PKN3: variants seen among roughly 807,000 people sequenced by gnomAD.
PKN3 encodes the protein protein kinase N3, also known as serine/threonine-protein kinase N3.
In PKN3, 91 loss-of-function variants were observed where a neutral mutation model predicts 113.1. The observed-to-expected ratio is 0.80, with a 90% CI of 0.68 to 0.96. PKN3 has a LOEUF of 0.96. Ranked by LOEUF, PKN3 falls within the 40% of genes least tolerant of loss-of-function variation. The pLI, the probability that PKN3 is intolerant of heterozygous loss-of-function variation, is 0.00. For synonymous variants in PKN3, 467 were observed against 499.0 expected, an observed-to-expected ratio of 0.94 and a Z score of 0.85; for missense variants, 1,052 against 1,202.2, an observed-to-expected ratio of 0.88 and a Z score of 1.85.
At chr9:128,703,844 C>G (rs150713254) in intron 1 of PKN3, 9 of 985,370 alleles carry the variant, frequency 9.1e-6, no homozygotes, top group African/African-American at 5.2e-5. Context: ...CTGTTCCAGA[C>G]GTAGCTTGTA....
At chr9:128,710,786 C>T (rs1422989237) in intron 6 of PKN3, among the ~76,000 whole-genome samples, 1 of 152,066 alleles carries the variant, frequency 6.6e-6, no homozygotes, top group Non-Finnish European at 1.5e-5. Context: ...GCCAACCATG[C>T]CCGGCCCAAG....
chr9:128,709,977 G>A (rs1051305823), intron 6 of PKN3: 2 of 149,116 alleles, frequency 1.3e-5, no homozygotes, highest in Admixed American at 6.7e-5. Flanking sequence ...CCAGGCTGGA[G>A]TGCAGTGGCG....
At chr9:128,703,345 G>T (rs1564368279) in intron 1 of PKN3, 1 of 984,314 alleles carries the variant, frequency 1.0e-6, no homozygotes. Context: ...GAATGTGCGC[G>T]CAGCGGGGGG....
At chr9:128,714,420 C>T (rs1297200338) in intron 11 of PKN3, 55 bp downstream of exon 11, 167 of 1,441,028 alleles carry the variant, frequency 1.2e-4, no homozygotes, top group Non-Finnish European at 1.6e-4. Context: ...CTTCCTGACT[C>T]CAGATCCAGG....
Position 128,702,601 on chromosome 9 carries a change from G to A in PKN3, c.-315G>A, listed in dbSNP as rs1171710124. 2 of 352,382 alleles carry A rather than the reference G, an allele frequency of 5.7e-6. No homozygotes were observed. The highest frequency in any genetic ancestry group is 5.1e-6 in the Non-Finnish European group (1 of 196,976). The allele number at this position is 352,382 out of a possible 1,614,324, so 21.8% of individuals were successfully genotyped here. A position where few individuals can be genotyped will look rare whatever the true frequency, so the allele number is the denominator to read the frequency against. ...TGCCTCCTGAGCGTCCAAACCGGGGGTGAGGCGCGGTCACGCCCAGCGGGA... is the reference window on the plus strand; with the variant it reads ...TGCCTCCTGAGCGTCCAAACCGGGGATGAGGCGCGGTCACGCCCAGCGGGA... On this transcript the variant is annotated 5_prime_UTR_variant, in exon 1 of 22. It adds an upstream start codon to the 5' untranslated region. Coordinates refer to ENST00000291906, the MANE Select transcript of PKN3 (RefSeq NM_013355.5).
chr9:128,703,367 C>A (rs913541218), intron 1 of PKN3: 2 of 985,206 alleles, frequency 2.0e-6, no homozygotes, highest in East Asian at 1.1e-4. Context: ...GCAGTCTGTG[C>A]GCGCTTGGCA....
chr9:128,715,048 C>T lies in PKN3; in HGVS notation c.1653-124C>T, dbSNP rs1248852627. 1 of 1,143,350 alleles carries T rather than the reference C, an allele frequency of 8.7e-7. No homozygotes were observed. Among genetic ancestry groups the T allele is most frequent in the Admixed American group, 1.8e-5 (1 of 54,800 alleles). The allele number at this position is 1,143,350 out of a possible 1,614,324, so 70.8% of individuals were successfully genotyped here. On this transcript the variant is annotated intron_variant, in intron 13 of 21. Transcript: ENST00000291906. This position sits in a 1 kb window ranked among gnomAD's most constrained non-coding sequence, Gnocchi z 4.1. Reference sequence around the variant, plus strand: ...TGCCGGCTTCTAGGAGTCCTTACTGCAGGGCTTTTTCGAGCCCATAGGTCG... The same window carrying T: ...TGCCGGCTTCTAGGAGTCCTTACTGTAGGGCTTTTTCGAGCCCATAGGTCG...
rs1372842581 is a variant in PKN3, at chr9:128,715,506, G to A, written c.1808+46G>A. On this transcript the variant is annotated intron_variant, in intron 15 of 21. Coordinates refer to ENST00000291906, the MANE Select transcript of PKN3 (RefSeq NM_013355.5). The surrounding 1 kb of genome is among the most constrained non-coding windows in gnomAD (Gnocchi z 4.1). ...GCACCCAGGATGGCTGGCCTGGGCTGTGGCATCCAGAGGGCAGTTGAAGGT... is the reference window on the plus strand; with the variant it reads ...GCACCCAGGATGGCTGGCCTGGGCTATGGCATCCAGAGGGCAGTTGAAGGT... 1 of 1,460,830 alleles carries A rather than the reference G, an allele frequency of 6.8e-7. No homozygotes were observed. The highest frequency in any genetic ancestry group is 9.6e-7 in the Non-Finnish European group (1 of 1,043,118). The allele number at this position is 1,460,830 out of a possible 1,614,324, so 90.5% of individuals were successfully genotyped here.
At position 128,719,967 on chromosome 9, in the gene PKN3, GC is replaced by G. The variant is rs1862478962; in HGVS notation, c.2331del (p.Tyr778ThrfsTer82). On this transcript the variant is annotated frameshift_variant, in exon 20 of 22. Coordinates refer to ENST00000291906, the MANE Select transcript of PKN3 (RefSeq NM_013355.5). LOFTEE classifies it high-confidence loss of function. ...EVFDCIVNMDAPYPGFLSVQG... is the reference protein window; with the variant it reads ...EVFDCIVNMDXPYPGFLSVQG... ...GTTTGACTGCATCGTCAACATGGAC[GC>G]CCCCTACCCCGGCTTTCTGTCGGTG... 1 of 1,614,036 alleles carries G rather than the reference GC, an allele frequency of 6.2e-7. No homozygotes were observed. The highest frequency in any genetic ancestry group is 1.3e-5 in the African/African-American group (1 of 75,044).
Position 128,714,683 on chromosome 9 carries a change from T to TA in PKN3, c.1584+20dup. The TA allele has an allele frequency of 7.6e-7, 1 of 1,310,732 alleles. No individual in the cohort carries two copies. The highest frequency in any genetic ancestry group is 1.1e-6 in the Non-Finnish European group (1 of 904,226). The allele number at this position is 1,310,732 out of a possible 1,614,324, so 81.2% of individuals were successfully genotyped here. ...GACTCCGGTGAGGGGCTGGAGGGAC[T>TA]AGTGGCTCCTAGGGCCGGCTGGGGC... On this transcript the variant is annotated intron_variant, in intron 12 of 21. Coordinates refer to ENST00000291906, the MANE Select transcript of PKN3 (RefSeq NM_013355.5).
Position 128,719,880 on chromosome 9 carries a change from G to A in PKN3, c.2269-30G>A, listed in dbSNP as rs142106799. The A allele has an allele frequency of 5.8e-3, 9,391 of 1,608,770 alleles. 43 individuals carry two copies. The highest frequency in any genetic ancestry group is 7.3e-3 in the Non-Finnish European group (8,631 of 1,175,234). On this transcript the variant is annotated intron_variant, in intron 19 of 21. Transcript: ENST00000291906. ...CCTCTGGGTGGGGGTGGGGTGGCCC[G>A]TGCATCCTGCTGAGCCCCCATCTCC...
At chr9:128,717,117 C>CTTTTCTTTTTTTTTTTTTTTTTTTTT (rs1862363366) in intron 16 of PKN3, among the ~76,000 whole-genome samples, 194 bp downstream of exon 16, 1 of 24,364 alleles carries the variant, frequency 4.1e-5, no homozygotes, top group Non-Finnish European at 8.1e-5. Context: ...CATTAGGTTT[C>CTTTTCTTTTTTTTTTTTTTTTTTTTT]TTTTTTTTTT....
intron 15 of PKN3, among the ~76,000 whole-genome samples, chr9:128,716,470 C>G (rs1027443681): frequency 6.6e-6 from 1 of 151,838 alleles, no homozygotes; most frequent in Admixed American, 6.6e-5. Context: ...TGGTGGCGCA[C>G]TCCTATAATC....
rs530122345 is a variant in PKN3 at position 128,714,443 on chromosome 9, G to T, written c.1481+78G>T. ...CTCCAGATCCAGGCGGTATCTGTCT[G>T]TCTGTCTGCATTGCTCAGCCCGCTA... On this transcript the variant is annotated intron_variant, in intron 11 of 21. Coordinates refer to ENST00000291906, the MANE Select transcript of PKN3 (RefSeq NM_013355.5). 1.2e-5 allele frequency: 16 copies of T among 1,327,654 alleles called. No individual in the cohort carries two copies. The Admixed American group carries it at 2.4e-4, about 20-fold the overall frequency. 82.2% of individuals were successfully genotyped at this position (1,327,654 alleles called of 1,614,324 possible).
chr9:128,706,692 G>T, intron 3 of PKN3, 21 bp from the exon 4 acceptor site: 1 of 1,508,996 alleles, frequency 6.6e-7, no homozygotes, highest in Middle Eastern at 1.9e-4. Context: ...GGTCTGATGG[G>T]CCTGTGCTAT....
In PKN3 at chr9:128,714,027, C is replaced by A; in HGVS notation, c.1237-19C>A. ...AGATGGGAGGCGACTGGTCCACAAC[C>A]CTGCCCCTACCCCTGCAGGTGACCT... On this transcript the variant is annotated intron_variant, in intron 9 of 21. Coordinates refer to ENST00000291906, the MANE Select transcript of PKN3 (RefSeq NM_013355.5). 1 of 1,613,718 alleles carries A rather than the reference C, an allele frequency of 6.2e-7. No homozygotes were observed. The highest frequency in any genetic ancestry group is 2.2e-5 in the East Asian group (1 of 44,878).
chr9:128,703,326 G>T (rs1029736814), intron 1 of PKN3: 15 of 973,678 alleles, frequency 1.5e-5, no homozygotes, highest in South Asian at 4.7e-5. Flanking sequence ...CAGGGGCCTG[G>T]GGGGGTTAGA....
rs1161707076 is a variant in PKN3, at chr9:128,715,534, C to T, written c.1808+74C>T. On this transcript the variant is annotated intron_variant, in intron 15 of 21. Coordinates refer to ENST00000291906, the MANE Select transcript of PKN3 (RefSeq NM_013355.5). This position sits in a 1 kb window ranked among gnomAD's most constrained non-coding sequence, Gnocchi z 4.1. ...GCATCCAGAGGGCAGTTGAAGGTTC[C>T]TGGGGCTTTGGAGAGGTGACCCCGT... is the stretch of plus-strand genomic sequence containing the variant. The T allele has an allele frequency of 8.4e-7, 1 of 1,194,492 alleles. No individual in the cohort carries two copies. Among genetic ancestry groups the T allele is most frequent in the South Asian group, 1.2e-5 (1 of 80,328 alleles). The allele number at this position is 1,194,492 out of a possible 1,614,324, so 74.0% of individuals were successfully genotyped here. A position where few individuals can be genotyped will look rare whatever the true frequency, so the allele number is the denominator to read the frequency against.
In PKN3 at chr9:128,719,571, G is replaced by C. The variant is rs1862460393; in HGVS notation, c.2126-115G>C. On this transcript the variant is annotated intron_variant, in intron 18 of 21. Coordinates refer to ENST00000291906, the MANE Select transcript of PKN3 (RefSeq NM_013355.5). ...CGTCATAACCATTCCCACTTCCTTG[G>C]GTACAGGGCAGGGCTTGGCACAGGC... 6 of 1,054,896 alleles carry C rather than the reference G, an allele frequency of 5.7e-6. No homozygotes were observed. The South Asian group carries it at 1.0e-4, about 18-fold the overall frequency. 65.3% of individuals were successfully genotyped at this position (1,054,896 alleles called of 1,614,324 possible).
Sources: gnomAD v4.1 joint callset for allele counts (sites outside exome capture counted in the v4.1 genomes callset) on GRCh38, gnomAD v4.1.1 for gene constraint, Gnocchi (gnomAD v3.1) non-coding constraint, MANE v1.5 for transcripts, NCBI Gene and HGNC (gene_info 2026-07-23, HGNC 2026-07-21) for gene names.